The following NUP214 variants were observed in gnomAD, a reference collection of about 807,000 sequenced individuals.
NUP214 encodes the protein nuclear pore complex protein Nup214.
A neutral mutation model predicts 196.2 loss-of-function variants in NUP214; 79 were observed. The observed-to-expected ratio is 0.40, with a 90% CI of 0.34 to 0.49. NUP214 has a LOEUF of 0.49. Among genes scored for constraint, NUP214 ranks in the 20% least tolerant of loss-of-function variants. The probability of loss-of-function intolerance (pLI) is 0.58; values close to 1 mark genes in which losing one functional copy is unlikely to be tolerated. For synonymous variants in NUP214, 1,020 were observed against 990.5 expected (o/e 1.03, Z -0.56); for missense variants, 2,468 against 2,539.0 (o/e 0.97, Z 0.60).
At chr9:131,154,053 C>G (rs569207489) in intron 17 of NUP214, among the ~76,000 whole-genome samples, 1 of 152,280 alleles carries the variant, frequency 6.6e-6, no homozygotes, top group East Asian at 1.9e-4. Flanking sequence ...GCAGCTAACG[C>G]AGAGGTGTGG....
chr9:131,155,593 A>C (rs539356948), intron 17 of NUP214, among the ~76,000 whole-genome samples: 1 of 152,182 alleles, frequency 6.6e-6, no homozygotes. Flanking sequence ...GTTATCTTCT[A>C]GAATTTTTAT....
intron 31 of NUP214, among the ~76,000 whole-genome samples, chr9:131,220,325 A>G (rs1189888058): frequency 6.6e-6 from 1 of 152,268 alleles, no homozygotes; most frequent in African/African-American, 2.4e-5. Context: ...GAGAAAACCA[A>G]GAAACACATT....
rs772584753 is a variant in NUP214 at position 131,140,589 on chromosome 9, A to G, written c.1173A>G (p.Leu391=). 2.5e-6 allele frequency: 4 copies of G among 1,613,898 alleles called. No individual in the cohort carries two copies. ...KTLPPAPVLM[L]LSTDGVLCPF... Reference sequence around the variant, plus strand: ...TTCCTCCTGCTCCAGTTCTCATGTTACTTTCAACAGATGGTGTGCTTTGTC... The same window carrying G: ...TTCCTCCTGCTCCAGTTCTCATGTTGCTTTCAACAGATGGTGTGCTTTGTC... The change falls in exon 11 of 36, where the codon TTA becomes TTG. Residue 391 remains leucine, a synonymous_variant. Coordinates refer to ENST00000359428, the MANE Select transcript of NUP214 (RefSeq NM_005085.4).
intron 29 of NUP214, among the ~76,000 whole-genome samples, chr9:131,200,200 G>A (rs529187024): frequency 1.3e-5 from 2 of 152,210 alleles, no homozygotes; most frequent in Non-Finnish European, 2.9e-5. Context: ...GTATCTGTGC[G>A]GAAAGGTATC....
chr9:131,195,417 T>C (rs1564203875), intron 28 of NUP214, 123 bp downstream of exon 28: 2 of 753,840 alleles, frequency 2.7e-6, no homozygotes, highest in Non-Finnish European at 4.7e-6. Flanking sequence ...TGCAATAAGC[T>C]CAGTGTTGAT....
chr9:131,195,604 A>G (rs753227815), intron 28 of NUP214: 6 of 293,596 alleles, frequency 2.0e-5, no homozygotes, highest in South Asian at 4.6e-5. Flanking sequence ...AATTTCTTCA[A>G]TTTATAGGGT....
chr9:131,194,464 C>A (rs1221078164), intron 27 of NUP214, among the ~76,000 whole-genome samples: 1 of 152,156 alleles, frequency 6.6e-6, no homozygotes. Context: ...TCTCAAACTC[C>A]TGGGCTCAAA....
chr9:131,149,436 GC>G (rs1832186494), intron 14 of NUP214, among the ~76,000 whole-genome samples: 1 of 149,794 alleles, frequency 6.7e-6, no homozygotes, highest in African/African-American at 2.5e-5. Flanking sequence ...GTTTGCACAA[GC>G]CCCAAGCCCC....
rs1834903921 is a variant in NUP214, at chr9:131,232,365, AGT to A, written c.6239+63_6239+64del. ...ATTAAAAGCATTAAATAAGGTTGGA[AGT>A]GTGTGGATCTTGCTGGATTTGTGCA... On this transcript the variant is annotated intron_variant, in intron 35 of 35. Transcript: ENST00000359428. The surrounding 1 kb of genome is among the most constrained non-coding windows in gnomAD (Gnocchi z 5.1). The A allele has an allele frequency of 2.0e-6, 3 of 1,517,862 alleles. No individual in the cohort carries two copies. Among genetic ancestry groups the A allele is most frequent in the South Asian group, 1.1e-5 (1 of 89,278 alleles). 94.0% of individuals were successfully genotyped at this position (1,517,862 alleles called of 1,614,324 possible).
chr9:131,184,031 T>C (rs796779238), intron 24 of NUP214, among the ~76,000 whole-genome samples: 4,741 of 135,844 alleles, frequency 0.035, 86 homozygotes, highest in African/African-American at 0.062. Flanking sequence ...TTTTTCTTTT[T>C]TTTTTTTTTT....
chr9:131,135,301 T>A, intron 8 of NUP214: 1 of 303,384 alleles, frequency 3.3e-6, no homozygotes. Flanking sequence ...AGAGATGGGA[T>A]CTTGCTATGT....
chr9:131,179,060 G>A (rs773365012), intron 24 of NUP214, among the ~76,000 whole-genome samples: 7 of 152,006 alleles, frequency 4.6e-5, no homozygotes, highest in Admixed American at 2.0e-4. Context: ...AGTGCAGTAC[G>A]ATCATGGCAC....
In NUP214 at chr9:131,129,321, A is replaced by G. The variant is rs765963089; in HGVS notation, c.436A>G (p.Lys146Glu). 1.2e-6 allele frequency: 2 copies of G among 1,614,244 alleles called. No individual in the cohort carries two copies. Among genetic ancestry groups the G allele is most frequent in the East Asian group, 2.2e-5 (1 of 44,894 alleles). ...CCCATTTGCCTATCATAAGCTTTTG[A>G]AAGATGCAGGAGGCATGGTGATTGA... Reference protein sequence around the residue: ...KRPFAYHKLLKDAGGMVIDMK... With the variant: ...KRPFAYHKLLEDAGGMVIDMK... The change falls in exon 4 of 36, where the codon AAA becomes GAA. Residue 146 changes from lysine to glutamate, a missense_variant. Around this residue, in one of 5 missense-constraint regions of NUP214, gnomAD observed 392 missense variants for 417.9 expected, o/e 0.94. Coordinates refer to ENST00000359428, the MANE Select transcript of NUP214 (RefSeq NM_005085.4).
At chr9:131,128,745 A>G (rs1831441234) in intron 3 of NUP214, 1 of 371,448 alleles carries the variant, frequency 2.7e-6, no homozygotes, top group Non-Finnish European at 4.9e-6. Context: ...TGAATACATA[A>G]TGTCAAAAGT....
At chr9:131,194,856 G>T (rs1447998945) in intron 27 of NUP214, among the ~76,000 whole-genome samples, 3 of 152,082 alleles carry the variant, frequency 2.0e-5, no homozygotes, top group Non-Finnish European at 4.4e-5. Flanking sequence ...CCTTCCTTCT[G>T]TCCCCTCACT....
At chr9:131,138,978 G>T (rs1564180319) in intron 9 of NUP214, among the ~76,000 whole-genome samples, 1 of 152,182 alleles carries the variant, frequency 6.6e-6, no homozygotes. Flanking sequence ...GTCATGGAAG[G>T]TACCTCAGAA....
intron 30 of NUP214, 62 bp downstream of exon 30, chr9:131,201,779 T>C (rs959719159): frequency 7.3e-7 from 1 of 1,363,900 alleles, no homozygotes; most frequent in African/African-American, 1.4e-5. Context: ...TTTTCTTCAC[T>C]GTAATGTAGT....
intron 11 of NUP214, among the ~76,000 whole-genome samples, chr9:131,142,019 C>T (rs1259005304): frequency 6.6e-6 from 1 of 152,182 alleles, no homozygotes; most frequent in Non-Finnish European, 1.5e-5. Context: ...TAGAGCCACT[C>T]AGATACTTGG....
intron 22 of NUP214, among the ~76,000 whole-genome samples, 188 bp from the exon 23 acceptor site, chr9:131,175,272 T>A (rs1411902297): frequency 1.3e-5 from 2 of 152,114 alleles, no homozygotes; most frequent in Non-Finnish European, 2.9e-5. Flanking sequence ...TTAGTAGAGG[T>A]GGGTAGGCAA....
Sources: allele counts gnomAD v4.1 joint callset (sites outside exome capture counted in the v4.1 genomes callset), GRCh38; gene constraint gnomAD v4.1.1; regional missense constraint gnomAD v4.1.1; non-coding constraint Gnocchi (gnomAD v3.1); transcripts MANE v1.5; gene names NCBI Gene and HGNC (gene_info 2026-07-23, HGNC 2026-07-21).